The following DOCK4 variants were observed in gnomAD, a reference collection of about 807,000 sequenced individuals.
The protein encoded by DOCK4 is dedicator of cytokinesis protein 4.
In DOCK4, 97 loss-of-function variants were observed where a neutral mutation model predicts 268.1. That is an observed-to-expected ratio of 0.36 (90% CI 0.31 to 0.43). The LOEUF is 0.43. Ranked by LOEUF, DOCK4 falls within the 20% of genes least tolerant of loss-of-function variation. DOCK4 has a pLI of 1.00. For synonymous variants in DOCK4, 954 were observed against 887.2 expected (o/e 1.08, Z -1.34); for missense variants, 2,145 against 2,455.7 (o/e 0.87, Z 2.67).
At chr7:111,750,398 TA>T (rs2133505271) in intron 42 of DOCK4, among the ~76,000 whole-genome samples, 1 of 152,266 alleles carries the variant, frequency 6.6e-6, no homozygotes, top group Non-Finnish European at 1.5e-5. Flanking sequence ...TTTAAGTAAA[TA>T]AATAAACCAG....
At chr7:111,929,032 G>C (rs1340896685) in intron 12 of DOCK4, among the ~76,000 whole-genome samples, 1 of 152,154 alleles carries the variant, frequency 6.6e-6, no homozygotes, top group Non-Finnish European at 1.5e-5. Flanking sequence ...TCTGAAGTAA[G>C]CAGGGGTAGA....
intron 36 of DOCK4, among the ~76,000 whole-genome samples, chr7:111,775,066 G>C (rs191727427): frequency 6.6e-6 from 1 of 152,320 alleles, no homozygotes; most frequent in Admixed American, 6.5e-5. Flanking sequence ...GTAAAGGTGG[G>C]AACAGTGAAA....
At chr7:111,923,785 T>C (rs1397579273) in intron 12 of DOCK4, among the ~76,000 whole-genome samples, 4 of 152,234 alleles carry the variant, frequency 2.6e-5, no homozygotes, top group Non-Finnish European at 5.9e-5. Context: ...TGCTCTTAAA[T>C]GTTTATTCAG....
At chr7:111,791,440 G>C (rs1435571344) in intron 30 of DOCK4, among the ~76,000 whole-genome samples, 1 of 151,120 alleles carries the variant, frequency 6.6e-6, no homozygotes, top group African/African-American at 2.4e-5. Flanking sequence ...AATTTTTCTC[G>C]AGTGTCTGTT....
At chr7:112,175,154 C>T (rs1479105792) in intron 1 of DOCK4, among the ~76,000 whole-genome samples, 1 of 151,912 alleles carries the variant, frequency 6.6e-6, no homozygotes, top group Non-Finnish European at 1.5e-5. Context: ...TGAGTCACCG[C>T]GCCCAGCCCC....
At chr7:111,747,737 T>A (rs1796367859) in intron 42 of DOCK4, among the ~76,000 whole-genome samples, 1 of 139,912 alleles carries the variant, frequency 7.1e-6, no homozygotes, top group African/African-American at 2.7e-5. Context: ...TATCCAAGCA[T>A]CTCATGTCTT....
intron 1 of DOCK4, among the ~76,000 whole-genome samples, chr7:112,137,469 C>A (rs1329659912): frequency 6.6e-6 from 1 of 152,172 alleles, no homozygotes; most frequent in Non-Finnish European, 1.5e-5. Flanking sequence ...ACACACAGGA[C>A]AACATTTTTC....
In DOCK4 at chr7:111,894,300, A is replaced by G. The variant is rs530959138; in HGVS notation, c.1587+1312T>C. 2.6e-5 allele frequency among the ~76,000 whole-genome samples: 4 copies of G among 152,328 alleles called. No homozygotes were observed. In the South Asian group the frequency reaches 8.3e-4, roughly 32 times the overall value. On this transcript the variant is annotated intron_variant, in intron 16 of 52. Transcript: ENST00000428084. ...CTCTCATTTAACTAGCAATCCAAAG[A>G]AAGTTTTTGCTTGTAATCTCTTATT...
intron 8 of DOCK4, among the ~76,000 whole-genome samples, chr7:111,955,592 C>T (rs1167314068): frequency 1.3e-5 from 2 of 152,166 alleles, no homozygotes; most frequent in East Asian, 3.9e-4. Context: ...CTCCGTCACG[C>T]TATTTGTCTT....
chr7:112,136,998 C>A (rs1814417282), intron 1 of DOCK4, among the ~76,000 whole-genome samples: 1 of 151,798 alleles, frequency 6.6e-6, no homozygotes, highest in Non-Finnish European at 1.5e-5. Context: ...CAATACTGAG[C>A]CAAAAAATCT....
chr7:111,976,269 TTATATATATATATATATATATA>T (rs60146972), intron 8 of DOCK4, among the ~76,000 whole-genome samples: 53 of 33,136 alleles, frequency 1.6e-3, no homozygotes, highest in East Asian at 5.0e-3. Flanking sequence ...TGTGTGTCTA[TTATATATATATATATATATATA>T]TATATATATA....
intron 16 of DOCK4, among the ~76,000 whole-genome samples, chr7:111,892,750 G>T (rs1808401602): frequency 6.6e-6 from 1 of 152,190 alleles, no homozygotes; most frequent in South Asian, 2.1e-4. Flanking sequence ...GAAGGATTAT[G>T]TATTATGCTG....
chr7:111,811,310 A>C (rs1026382433), intron 28 of DOCK4, among the ~76,000 whole-genome samples: 4 of 152,106 alleles, frequency 2.6e-5, no homozygotes, highest in Non-Finnish European at 4.4e-5. Flanking sequence ...AAAACAAAGA[A>C]CCACCATTGA....
intron 1 of DOCK4, among the ~76,000 whole-genome samples, chr7:112,139,555 A>C (rs925507655): frequency 1.3e-5 from 2 of 152,208 alleles, no homozygotes; most frequent in African/African-American, 4.8e-5. Context: ...CATTTTAGCT[A>C]ATCTAAAATG....
At chr7:111,826,444 T>C (rs1802395630) in intron 26 of DOCK4, among the ~76,000 whole-genome samples, 1 of 152,146 alleles carries the variant, frequency 6.6e-6, no homozygotes, top group African/African-American at 2.4e-5. Context: ...CTGTACCATA[T>C]AAAAATTGTT....
At chr7:112,006,482 C>T (rs145885941) in intron 1 of DOCK4, among the ~76,000 whole-genome samples, 13 of 152,290 alleles carry the variant, frequency 8.5e-5, no homozygotes, top group Admixed American at 7.2e-4. Context: ...GAGCCATAAC[C>T]ATGTATTATC....
chr7:112,158,654 T>A (rs1285106819), intron 1 of DOCK4, among the ~76,000 whole-genome samples: 7 of 152,214 alleles, frequency 4.6e-5, no homozygotes, highest in African/African-American at 1.7e-4. Flanking sequence ...ACTAAGGTTA[T>A]CAGTGTCAAA....
At position 111,757,682 on chromosome 7, in the gene DOCK4, C is replaced by T. The variant is rs550707799; in HGVS notation, c.4329+942G>A. ...AAACCTTCCCCTTCTGATCTCCTCT[C>T]GGTTGTGAATGATCCCTGGAAATAC... On this transcript the variant is annotated intron_variant, in intron 41 of 52. Transcript: ENST00000428084. Among the ~76,000 whole-genome samples, 7 of 152,220 alleles carry T rather than the reference C, an allele frequency of 4.6e-5. No individual in the cohort carries two copies. The South Asian group carries it at 6.2e-4, about 14-fold the overall frequency.
chr7:112,011,296 C>T (rs1447001219), intron 1 of DOCK4, among the ~76,000 whole-genome samples: 1 of 152,210 alleles, frequency 6.6e-6, no homozygotes, highest in Non-Finnish European at 1.5e-5. Flanking sequence ...TGCTAAATAC[C>T]CTGCAAGCCA....
Sources: allele counts gnomAD v4.1 joint callset (sites outside exome capture counted in the v4.1 genomes callset), GRCh38; gene constraint gnomAD v4.1.1; transcripts MANE v1.5; gene names NCBI Gene and HGNC (gene_info 2026-07-23, HGNC 2026-07-21).